The following THSD4 variants were observed in gnomAD, a reference collection of about 807,000 sequenced individuals.
The protein encoded by THSD4 is thrombospondin type-1 domain-containing protein 4.
A neutral mutation model predicts 119.0 loss-of-function variants in THSD4; 69 were observed. The ratio of observed to expected loss-of-function variants is 0.58; its 90% confidence interval spans 0.48 to 0.71. The LOEUF (loss-of-function observed/expected upper bound fraction) is 0.71. Among genes scored for constraint, THSD4 ranks in the 30% least tolerant of loss-of-function variants. THSD4 has a pLI of 0.00. For synonymous variants in THSD4, 524 were observed against 540.4 expected (o/e 0.97, Z 0.42); for missense variants, 1,393 against 1,391.1 (o/e 1.00, Z -0.02).
At chr15:71,199,361 A>G (rs2043747398) in intron 3 of THSD4, among the ~76,000 whole-genome samples, 2 of 151,626 alleles carry the variant, frequency 1.3e-5, no homozygotes, top group African/African-American at 4.8e-5. Flanking sequence ...GAAGGCTGAG[A>G]GGTGTTCAGG....
intron 7 of THSD4, among the ~76,000 whole-genome samples, chr15:71,637,488 G>A (rs2050767377): frequency 6.6e-6 from 1 of 152,154 alleles, no homozygotes; most frequent in Non-Finnish European, 1.5e-5. Flanking sequence ...GATGAGAACT[G>A]AGAAGACCCC....
chr15:71,643,536 C>T (rs925892302), intron 7 of THSD4, among the ~76,000 whole-genome samples: 5 of 152,130 alleles, frequency 3.3e-5, no homozygotes, highest in Admixed American at 2.6e-4. Flanking sequence ...CATTTAGTTC[C>T]CACTTGTAAG....
intron 7 of THSD4, among the ~76,000 whole-genome samples, chr15:71,526,281 C>T (rs1287639598): frequency 6.6e-6 from 1 of 152,146 alleles, no homozygotes; most frequent in Non-Finnish European, 1.5e-5. Context: ...TTTCTTCAAA[C>T]TTGCAGCCGG....
At chr15:71,445,765 A>C (rs2047171841) in intron 7 of THSD4, among the ~76,000 whole-genome samples, 1 of 152,252 alleles carries the variant, frequency 6.6e-6, no homozygotes, top group Admixed American at 6.5e-5. Flanking sequence ...GTGATGATTT[A>C]TCTTCATGGC....
chr15:71,488,772 G>A (rs922185594), intron 7 of THSD4, among the ~76,000 whole-genome samples: 4 of 152,032 alleles, frequency 2.6e-5, no homozygotes, highest in African/African-American at 7.2e-5. Flanking sequence ...TTCTTAGTTT[G>A]TGTATTTACT....
intron 6 of THSD4, among the ~76,000 whole-genome samples, chr15:71,392,133 T>C (rs76887536): frequency 1.3e-5 from 2 of 152,188 alleles, no homozygotes; most frequent in African/African-American, 2.4e-5. Flanking sequence ...CAAGAGAATA[T>C]GCAAATGAAG....
chr15:71,266,646 G>A (rs1289171076), intron 6 of THSD4, among the ~76,000 whole-genome samples: 1 of 151,814 alleles, frequency 6.6e-6, no homozygotes, highest in African/African-American at 2.4e-5. Flanking sequence ...CAGAAGGTGG[G>A]TAATAACAAA....
intron 7 of THSD4, among the ~76,000 whole-genome samples, chr15:71,502,658 C>T (rs930987996): frequency 2.3e-4 from 35 of 152,238 alleles, no homozygotes; most frequent in African/African-American, 7.9e-4. Context: ...AAACAGTTGA[C>T]TTGAAAAATA....
intron 7 of THSD4, among the ~76,000 whole-genome samples, chr15:71,608,876 G>A (rs1254049688): frequency 2.6e-5 from 4 of 152,174 alleles, no homozygotes; most frequent in South Asian, 2.1e-4. Context: ...AAGTGGGGCC[G>A]GTGGATGATT....
At chr15:71,458,564 T>C (rs965214723) in intron 7 of THSD4, among the ~76,000 whole-genome samples, 3 of 152,214 alleles carry the variant, frequency 2.0e-5, no homozygotes, top group Non-Finnish European at 4.4e-5. Flanking sequence ...TCCAAACACC[T>C]GTTTCCTCGC....
chr15:71,662,469 A>C (rs113184554), intron 8 of THSD4, among the ~76,000 whole-genome samples: 2,192 of 152,318 alleles, frequency 0.014, 55 homozygotes, highest in African/African-American at 0.05. Context: ...ATGAGATCAC[A>C]TCTCCATAAA....
At position 71,404,591 on chromosome 15, in the gene THSD4, A is replaced by G. The variant is rs543838512; in HGVS notation, c.1016-7096A>G. Among the ~76,000 whole-genome samples, 65 of 152,304 alleles carry G rather than the reference A, an allele frequency of 4.3e-4. No homozygotes were observed. In the South Asian group the frequency reaches 0.013, roughly 30 times the overall value. The stretch of plus-strand genomic sequence containing the variant: ...CCCAAAATTCAAATGCTGGAACCTA[A>G]TACTCAATATGATATCATTAAGAGG... On this transcript the variant is annotated intron_variant, in intron 6 of 17. Transcript: ENST00000261862.
In THSD4 at chr15:71,284,446, T is replaced by G. The variant is rs150829819; in HGVS notation, c.1015+27731T>G. ...GCATGTTGCCAAAGAAGTGGTTCCATGCTACATTTTCAGGCATAGGAATTA... is the reference window on the plus strand; with the variant it reads ...GCATGTTGCCAAAGAAGTGGTTCCAGGCTACATTTTCAGGCATAGGAATTA... On this transcript the variant is annotated intron_variant, in intron 6 of 17. Coordinates refer to ENST00000261862, the MANE Select transcript of THSD4 (RefSeq NM_024817.3). 5.3e-5 allele frequency among the ~76,000 whole-genome samples: 8 copies of G among 152,310 alleles called. No individual in the cohort carries two copies. In the East Asian group the frequency reaches 1.4e-3, roughly 26 times the overall value.
chr15:71,468,461 C>T (rs988857460), intron 7 of THSD4, among the ~76,000 whole-genome samples: 2 of 152,122 alleles, frequency 1.3e-5, no homozygotes, highest in African/African-American at 4.8e-5. Context: ...ATAGCATGTC[C>T]AAAACACCAC....
chr15:71,772,912 G>GA (rs2053846800), intron 17 of THSD4, among the ~76,000 whole-genome samples: 1 of 152,096 alleles, frequency 6.6e-6, no homozygotes, highest in Non-Finnish European at 1.5e-5. Context: ...AAAAATGCTA[G>GA]AAAAAAGTAT....
At chr15:71,502,909 C>T (rs532961849) in intron 7 of THSD4, among the ~76,000 whole-genome samples, 4 of 152,196 alleles carry the variant, frequency 2.6e-5, no homozygotes, top group South Asian at 2.1e-4. Flanking sequence ...TGCCAGGTGC[C>T]GCATCAGAGT....
At chr15:71,286,947 A>G (rs1382904734) in intron 6 of THSD4, among the ~76,000 whole-genome samples, 1 of 152,198 alleles carries the variant, frequency 6.6e-6, no homozygotes, top group African/African-American at 2.4e-5. Flanking sequence ...TGTCAATTTT[A>G]TAGTAGGGAA....
intron 6 of THSD4, among the ~76,000 whole-genome samples, chr15:71,379,892 G>C (rs1157707101): frequency 1.3e-5 from 2 of 151,958 alleles, no homozygotes; most frequent in African/African-American, 4.8e-5. Context: ...GTAGCCCTTG[G>C]AACCAGAACA....
chr15:71,105,573 A>G (rs1204955986), intron 1 of THSD4, among the ~76,000 whole-genome samples: 3 of 152,230 alleles, frequency 2.0e-5, no homozygotes, highest in Admixed American at 6.5e-5. Flanking sequence ...GGTGTGCTCC[A>G]AAGAGGCTCC....
Sources: allele counts gnomAD v4.1 joint callset (sites outside exome capture counted in the v4.1 genomes callset), GRCh38; gene constraint gnomAD v4.1.1; transcripts MANE v1.5; gene names NCBI Gene and HGNC (gene_info 2026-07-23, HGNC 2026-07-21).